ZNF804A: variants seen among roughly 807,000 people sequenced by gnomAD.
ZNF804A encodes zinc finger protein 804A.
A neutral mutation model predicts 16.5 loss-of-function variants in ZNF804A; 2 were observed. That is an observed-to-expected ratio of 0.12 (90% CI 0.05 to 0.38). The LOEUF (loss-of-function observed/expected upper bound fraction) is 0.38. Ranked by LOEUF, ZNF804A falls within the 10% of genes least tolerant of loss-of-function variation. The pLI is 0.99. For missense variants in ZNF804A, 1,473 were observed against 1,390.7 expected (o/e 1.06, Z -0.94); for synonymous variants, 534 against 489.6 (o/e 1.09, Z -1.20).
At chr2:184,765,694 G>GC (rs1395465046) in intron 1 of ZNF804A, among the ~76,000 whole-genome samples, 15 of 150,312 alleles carry the variant, frequency 1.0e-4, no homozygotes, top group African/African-American at 3.4e-4. Flanking sequence ...TCTTGCTGAT[G>GC]CCCCCTGCAG....
intron 1 of ZNF804A, among the ~76,000 whole-genome samples, chr2:184,754,969 C>T (rs1235542574): frequency 1.3e-5 from 2 of 151,760 alleles, no homozygotes; most frequent in Non-Finnish European, 2.9e-5. Context: ...ATCTGAAGAA[C>T]GGCACAGGGA....
At chr2:184,931,245 A>AGTGCCC (rs764521865) in intron 2 of ZNF804A, among the ~76,000 whole-genome samples, 1 of 152,218 alleles carries the variant, frequency 6.6e-6, no homozygotes, top group African/African-American at 2.4e-5. Context: ...TCCACTAAGC[A>AGTGCCC]GTGCCCAAGT....
rs770507151 is a variant in ZNF804A, at chr2:184,598,915, G to C, written c.-45G>C. 1 of 1,377,736 alleles carries C rather than the reference G, an allele frequency of 7.3e-7. No individual in the cohort carries two copies. Among genetic ancestry groups the C allele is most frequent in the Non-Finnish European group, 1.0e-6 (1 of 1,002,062 alleles). The allele number at this position is 1,377,736 out of a possible 1,614,324, so 85.3% of individuals were successfully genotyped here. On this transcript the variant is annotated 5_prime_UTR_variant, in exon 1 of 4. Transcript: ENST00000302277. ...GGCGCGCTGCGGCTGTGGGCGCGGG[G>C]TGCGTGGAAGCGGCGGCTGCGGCGG... is the stretch of plus-strand genomic sequence containing the variant.
intron 2 of ZNF804A, among the ~76,000 whole-genome samples, chr2:184,879,638 G>A (rs567686841): frequency 7.9e-5 from 12 of 152,010 alleles, no homozygotes; most frequent in Admixed American, 2.6e-4. Context: ...AGGAAAAAGA[G>A]TCTAAAAGAT....
intron 2 of ZNF804A, among the ~76,000 whole-genome samples, chr2:184,922,813 G>A (rs540304614): frequency 6.6e-6 from 1 of 152,216 alleles, no homozygotes; most frequent in South Asian, 2.1e-4. Context: ...ATTTATTGAA[G>A]AGACTGTCAT....
chr2:184,805,217 T>A (rs1334308293), intron 1 of ZNF804A, among the ~76,000 whole-genome samples: 1 of 152,192 alleles, frequency 6.6e-6, no homozygotes, highest in Non-Finnish European at 1.5e-5. Flanking sequence ...TTTCTGCTTT[T>A]AAGAAAAACA....
chr2:184,862,004 G>A (rs917185382), intron 1 of ZNF804A, among the ~76,000 whole-genome samples: 5 of 152,112 alleles, frequency 3.3e-5, no homozygotes, highest in South Asian at 2.1e-4. Flanking sequence ...GACCTGACTC[G>A]TTGCAGGAAG....
chr2:184,810,245 T>G (rs1048192679), intron 1 of ZNF804A, among the ~76,000 whole-genome samples: 2 of 152,136 alleles, frequency 1.3e-5, no homozygotes, highest in African/African-American at 4.8e-5. Context: ...ATTTGCAATT[T>G]TTATAGAGAA....
chr2:184,723,682 C>T, intron 1 of ZNF804A, among the ~76,000 whole-genome samples: 1 of 151,662 alleles, frequency 6.6e-6, no homozygotes, highest in Middle Eastern at 3.4e-3. Flanking sequence ...TTATTGCTTT[C>T]AGTCTATATA....
intron 2 of ZNF804A, among the ~76,000 whole-genome samples, chr2:184,881,173 C>A (rs1684805113): frequency 6.6e-6 from 1 of 151,936 alleles, no homozygotes; most frequent in South Asian, 2.1e-4. Flanking sequence ...AATCTCAGAG[C>A]TTGAAGGCCT....
chr2:184,875,766 TA>T (rs562501754), intron 2 of ZNF804A, among the ~76,000 whole-genome samples: 9,601 of 120,250 alleles, frequency 0.08, 346 homozygotes, highest in Middle Eastern at 0.12. Flanking sequence ...TCATTGACAT[TA>T]AAAAAAAAAA....
chr2:184,790,272 G>A (rs1372641438), intron 1 of ZNF804A, among the ~76,000 whole-genome samples: 2 of 150,922 alleles, frequency 1.3e-5, no homozygotes, highest in African/African-American at 2.4e-5. Context: ...TCATATGGTC[G>A]ATTTTGGAGA....
chr2:184,858,479 A>G (rs1481693873), intron 1 of ZNF804A, among the ~76,000 whole-genome samples: 5 of 150,682 alleles, frequency 3.3e-5, no homozygotes, highest in Non-Finnish European at 7.4e-5. Flanking sequence ...ACTCCAGCCT[A>G]TGCAACAGAG....
At chr2:184,638,126 C>T (rs1405559386) in intron 1 of ZNF804A, among the ~76,000 whole-genome samples, 1 of 152,180 alleles carries the variant, frequency 6.6e-6, no homozygotes, top group Non-Finnish European at 1.5e-5. Flanking sequence ...GATCCTCCTC[C>T]TTGTGCAACA....
chr2:184,755,879 AGAG>A (rs1269014779), intron 1 of ZNF804A, among the ~76,000 whole-genome samples: 2 of 152,028 alleles, frequency 1.3e-5, no homozygotes, highest in African/African-American at 4.8e-5. Context: ...TACTCCCAGA[AGAG>A]GAGAGAATAT....
intron 1 of ZNF804A, among the ~76,000 whole-genome samples, chr2:184,672,763 T>C (rs906781905): frequency 1.3e-5 from 2 of 148,590 alleles, no homozygotes. Context: ...TTTTTCTTTT[T>C]CTTTCGTTCG....
rs750487135 is a variant in ZNF804A at position 184,938,374 on chromosome 2, G to A, written c.2978G>A (p.Arg993His). The part of the protein sequence containing the change: ...KMNETPTEWL[R>H]YNSGILNTQP... The stretch of plus-strand genomic sequence containing the variant: ...AATGAGACACCAACTGAGTGGCTGC[G>A]TTATAATTCAGGAATCCTTAACACA... Residue 993 changes from arginine (R) to histidine (H), a missense_variant, in exon 4 of 4, where the codon CGT (arginine) becomes CAT (histidine). Coordinates refer to ENST00000302277, the MANE Select transcript of ZNF804A (RefSeq NM_194250.2). The A allele has an allele frequency of 2.5e-6, 4 of 1,613,968 alleles. No homozygotes were observed. The highest frequency in any genetic ancestry group is 1.7e-5 in the Admixed American group (1 of 59,982).
At position 184,936,077 on chromosome 2, in the gene ZNF804A, G is replaced by GGC; in HGVS notation, c.681_682insGC (p.Ser228AlafsTer43). The stretch of plus-strand genomic sequence containing the variant: ...CAAAGAAAGCGTCCGTGAAGCTAGA[G>GGC]TCCTCAGCTGCAGCCTTCTCTGAAT... On this transcript the variant is annotated frameshift_variant, in exon 4 of 4. Transcript: ENST00000302277. LOFTEE classifies it low-confidence loss of function (END_TRUNC). 6.2e-7 allele frequency: 1 copy of GGC among 1,614,054 alleles called. No homozygotes were observed. Among genetic ancestry groups the GGC allele is most frequent in the Non-Finnish European group, 8.5e-7 (1 of 1,179,970 alleles).
chr2:184,709,314 T>A (rs1456252750), intron 1 of ZNF804A, among the ~76,000 whole-genome samples: 1 of 152,094 alleles, frequency 6.6e-6, no homozygotes, highest in Admixed American at 6.6e-5. Flanking sequence ...TGAAACCAAG[T>A]CATGTAGATA....
Sources: allele counts gnomAD v4.1 joint callset (sites outside exome capture counted in the v4.1 genomes callset), GRCh38; gene constraint gnomAD v4.1.1; transcripts MANE v1.5; gene names NCBI Gene and HGNC (gene_info 2026-07-23, HGNC 2026-07-21).